Variants in RGS7 observed in about 807,000 individuals in gnomAD.
RGS7 encodes the protein regulator of G protein signaling 7.
RGS7 carries 27 observed loss-of-function variants against 81.1 expected under a neutral mutation model. The ratio of observed to expected loss-of-function variants is 0.33; its 90% confidence interval spans 0.25 to 0.46. RGS7 has a LOEUF of 0.46. Among genes scored for constraint, RGS7 ranks in the 20% least tolerant of loss-of-function variants. RGS7 has a pLI of 1.00. For synonymous variants in RGS7, 208 were observed against 207.7 expected (o/e 1.00, Z -0.01); for missense variants, 396 against 607.4 (o/e 0.65, Z 3.66).
At chr1:240,840,716 C>T (rs1484218571) in intron 9 of RGS7, among the ~76,000 whole-genome samples, 1 of 152,212 alleles carries the variant, frequency 6.6e-6, no homozygotes, top group Non-Finnish European at 1.5e-5. Context: ...GGTTTTTGCA[C>T]ATTACACTTG....
intron 9 of RGS7, among the ~76,000 whole-genome samples, chr1:240,855,555 A>T (rs1647709835): frequency 6.6e-6 from 1 of 151,424 alleles, no homozygotes; most frequent in South Asian, 2.1e-4. Flanking sequence ...ACATTTCAGC[A>T]TAGTTTTTCT....
chr1:240,777,054 G>A (rs1181513816), intron 18 of RGS7, among the ~76,000 whole-genome samples: 1 of 152,180 alleles, frequency 6.6e-6, no homozygotes. Context: ...CAGCATTTTG[G>A]GAGGCTGAGG....
At chr1:240,873,067 AG>A (rs1664774368) in intron 6 of RGS7, among the ~76,000 whole-genome samples, 1 of 151,816 alleles carries the variant, frequency 6.6e-6, no homozygotes, top group African/African-American at 2.4e-5. Flanking sequence ...TGACAGAGCA[AG>A]ACTCCGTCTA....
At chr1:240,932,661 A>G (rs769828878) in intron 5 of RGS7, among the ~76,000 whole-genome samples, 2 of 147,584 alleles carry the variant, frequency 1.4e-5, no homozygotes, top group Admixed American at 6.8e-5. Context: ...GGTGCCCGCC[A>G]CCACGCCCAG....
intron 5 of RGS7, among the ~76,000 whole-genome samples, chr1:240,935,848 G>C (rs1676536298): frequency 6.6e-6 from 1 of 152,214 alleles, no homozygotes; most frequent in Non-Finnish European, 1.5e-5. Flanking sequence ...AATACCTCTT[G>C]GAAATGGATT....
chr1:240,996,803 T>C (rs1687359729), intron 3 of RGS7, among the ~76,000 whole-genome samples: 1 of 152,250 alleles, frequency 6.6e-6, no homozygotes, highest in Non-Finnish European at 1.5e-5. Flanking sequence ...GTATTAAATG[T>C]AATTACCGAT....
intron 9 of RGS7, among the ~76,000 whole-genome samples, chr1:240,842,773 TTTTC>T (rs908581775): frequency 3.5e-4 from 53 of 151,916 alleles, no homozygotes; most frequent in African/African-American, 1.2e-3. Flanking sequence ...CTTCCTTCCT[TTTTC>T]TTTCTTTCTT....
intron 1 of RGS7, among the ~76,000 whole-genome samples, chr1:241,356,507 C>T (rs908071201): frequency 1.3e-5 from 2 of 152,196 alleles, no homozygotes; most frequent in African/African-American, 4.8e-5. Flanking sequence ...TATGTCCCGG[C>T]AACAAGAACT....
In RGS7 at chr1:241,328,701, C is replaced by T. The variant is rs532610407; in HGVS notation, c.78+26998G>A. Among the ~76,000 whole-genome samples, 355 of 152,300 alleles carry T rather than the reference C, an allele frequency of 2.3e-3. 3 individuals carry two copies. Among genetic ancestry groups the T allele is most frequent in the African/African-American group, 8.1e-3 (337 of 41,560 alleles). ...GTTTTTTATCTCCTAGGCATGGCTA[C>T]TATCTGGGATGCTTGCTCTAATACC... On this transcript the variant is annotated intron_variant, in intron 2 of 18. Transcript: ENST00000440928.
At chr1:241,225,526 A>G (rs11586394) in intron 2 of RGS7, among the ~76,000 whole-genome samples, 3 of 152,236 alleles carry the variant, frequency 2.0e-5, no homozygotes, top group South Asian at 2.1e-4. Flanking sequence ...CACTTGGTAC[A>G]TAGTGTTTGC....
At chr1:241,340,169 C>T (rs1296564075) in intron 2 of RGS7, among the ~76,000 whole-genome samples, 1 of 152,116 alleles carries the variant, frequency 6.6e-6, no homozygotes, top group African/African-American at 2.4e-5. Context: ...CTAAGCCACA[C>T]CACATCGATT....
At chr1:240,780,820 AG>A (rs1683897684) in intron 18 of RGS7, among the ~76,000 whole-genome samples, 1 of 150,570 alleles carries the variant, frequency 6.6e-6, no homozygotes. Flanking sequence ...AGGCCGAGGC[AG>A]GAGAATCGCT....
chr1:241,054,658 A>G lies in RGS7; in HGVS notation c.175+44008T>C, dbSNP rs1405017177. On this transcript the variant is annotated intron_variant, in intron 3 of 18. Coordinates refer to ENST00000440928, the MANE Select transcript of RGS7 (RefSeq NM_001364886.1). ...CTACTTCCTGACCTGCTACTTCCTC[A>G]ATCAACCACACATCTATTAAGAGTG... 2.6e-5 allele frequency among the ~76,000 whole-genome samples: 4 copies of G among 152,222 alleles called. No individual in the cohort carries two copies. The East Asian group carries it at 7.7e-4, about 29-fold the overall frequency.
intron 6 of RGS7, among the ~76,000 whole-genome samples, chr1:240,884,687 A>G (rs573633220): frequency 1.3e-5 from 2 of 152,376 alleles, no homozygotes; most frequent in Admixed American, 1.3e-4. Flanking sequence ...ATGGTGCGGG[A>G]TAACTGGCTA....
At chr1:240,977,746 G>C (rs1368559726) in intron 4 of RGS7, among the ~76,000 whole-genome samples, 1 of 152,190 alleles carries the variant, frequency 6.6e-6, no homozygotes, top group African/African-American at 2.4e-5. Flanking sequence ...TATGTGAGAA[G>C]GCGGCACAAC....
At chr1:240,826,999 A>G in intron 10 of RGS7, 99 bp downstream of exon 10, 1 of 977,704 alleles carries the variant, frequency 1.0e-6, no homozygotes. Context: ...AAGAGTGGGA[A>G]AGATACTGCA....
At chr1:241,335,908 C>A (rs1012349712) in intron 2 of RGS7, among the ~76,000 whole-genome samples, 1 of 151,870 alleles carries the variant, frequency 6.6e-6, no homozygotes, top group Admixed American at 6.6e-5. Flanking sequence ...TGCACCACTA[C>A]TGATACACTG....
At chr1:240,828,938 T>C (rs1693334411) in intron 9 of RGS7, among the ~76,000 whole-genome samples, 1 of 151,608 alleles carries the variant, frequency 6.6e-6, no homozygotes, top group Admixed American at 6.6e-5. Flanking sequence ...TTCCGTGGAG[T>C]TGGGGTGGGG....
At chr1:240,775,450 G>A (rs1054863887), downstream of RGS7, 2 of 152,188 alleles carry the variant, frequency 1.3e-5, no homozygotes, top group African/African-American at 2.4e-5. Context: ...CTGCGGTAGT[G>A]GGTTGTGGAT....
Sources: allele counts gnomAD v4.1 joint callset (sites outside exome capture counted in the v4.1 genomes callset), GRCh38; gene constraint gnomAD v4.1.1; transcripts MANE v1.5; gene names NCBI Gene and HGNC (gene_info 2026-07-23, HGNC 2026-07-21).